CSTF3: variants seen among roughly 807,000 people sequenced by gnomAD.
CSTF3 encodes cleavage stimulation factor subunit 3.
In CSTF3, 29 loss-of-function variants were observed where a neutral mutation model predicts 105.8. The ratio of observed to expected loss-of-function variants is 0.27; its 90% CI spans 0.20 to 0.37. The LOEUF (loss-of-function observed/expected upper bound fraction) is 0.37. Among genes scored for constraint, CSTF3 ranks in the 10% least tolerant of loss-of-function variants. CSTF3 has a pLI of 1.00. For missense variants in CSTF3, 357 were observed against 879.3 expected, an observed-to-expected ratio of 0.41 and a Z score of 7.51; for synonymous variants, 252 against 281.9, an observed-to-expected ratio of 0.89 and a Z score of 1.06.
intron 1 of CSTF3, among the ~76,000 whole-genome samples, chr11:33,153,634 T>C (rs1849817479): frequency 1.3e-5 from 2 of 149,634 alleles, no homozygotes; most frequent in Non-Finnish European, 1.5e-5. Flanking sequence ...CAAGATCTCA[T>C]CTCTAAAAAA....
chr11:33,089,941 A>G (rs12420035), intron 17 of CSTF3, among the ~76,000 whole-genome samples: 31,491 of 152,146 alleles, frequency 0.21, 3,886 homozygotes, highest in East Asian at 0.35. Flanking sequence ...TGTGGCCTGA[A>G]CAGGTTCAGG....
intron 1 of CSTF3, among the ~76,000 whole-genome samples, chr11:33,156,241 G>T (rs985834957): frequency 6.6e-6 from 1 of 152,138 alleles, no homozygotes; most frequent in South Asian, 2.1e-4. Context: ...GGCTGTTACA[G>T]AAAGATTTTG....
intron 16 of CSTF3, 84 bp from the exon 17 acceptor site, chr11:33,090,811 C>G (rs1016061019): frequency 1.1e-5 from 9 of 787,776 alleles, no homozygotes; most frequent in Admixed American, 1.0e-4. Flanking sequence ...CTTAAGCTCT[C>G]TCTTTTTCCC....
At position 33,096,884 on chromosome 11, in the gene CSTF3, CG is replaced by C; in HGVS notation, c.1222del (p.Arg408AlafsTer30). 6.2e-7 allele frequency: 1 copy of C among 1,613,560 alleles called. No individual in the cohort carries two copies. Among genetic ancestry groups the C allele is most frequent in the South Asian group, 1.1e-5 (1 of 91,064 alleles). ...TGCTGCAGTAACATAGACATGGTGG[CG>C]GGTTCTGGTATCTTCTCTTGCTTTT... The part of the protein sequence containing the change: ...FKKAREDTRT[R>X]HHVYVTAALM... On this transcript the variant is annotated frameshift_variant, in exon 14 of 21. Transcript: ENST00000323959. LOFTEE classifies it high-confidence loss of function.
At chr11:33,090,125 G>T (rs565421182) in intron 17 of CSTF3, among the ~76,000 whole-genome samples, 1 of 152,232 alleles carries the variant, frequency 6.6e-6, no homozygotes, top group African/African-American at 2.4e-5. Flanking sequence ...TACAAAATAT[G>T]CAACAGGAAC....
At chr11:33,097,528 C>A (rs1264487358) in intron 13 of CSTF3, among the ~76,000 whole-genome samples, 1 of 152,156 alleles carries the variant, frequency 6.6e-6, no homozygotes, top group East Asian at 1.9e-4. Context: ...CGCCACCACA[C>A]CCGGCTAATT....
chr11:33,137,316 T>G (rs1299670489), intron 3 of CSTF3, among the ~76,000 whole-genome samples: 1 of 151,818 alleles, frequency 6.6e-6, no homozygotes, highest in East Asian at 1.9e-4. Context: ...ACAGTTTTAT[T>G]TAAAGAAATG....
intron 1 of CSTF3, among the ~76,000 whole-genome samples, chr11:33,154,671 A>G (rs1385404097): frequency 6.6e-6 from 1 of 151,712 alleles, no homozygotes; most frequent in Non-Finnish European, 1.5e-5. Context: ...TAATTTTTGT[A>G]TTTTTAGTAG....
chr11:33,095,950 G>T (rs1257965696), intron 15 of CSTF3, among the ~76,000 whole-genome samples: 1 of 150,986 alleles, frequency 6.6e-6, no homozygotes, highest in Non-Finnish European at 1.5e-5. Flanking sequence ...TTGAGTTTTG[G>T]TGGCTAGAGG....
intron 16 of CSTF3, among the ~76,000 whole-genome samples, chr11:33,091,564 C>A (rs7395436): frequency 0.55 from 84,051 of 152,096 alleles, 25,730 homozygotes; most frequent in Non-Finnish European, 0.69. Flanking sequence ...AAAACTAACA[C>A]GAGACAAAAC....
At chr11:33,094,687 G>C (rs1224793748) in intron 15 of CSTF3, among the ~76,000 whole-genome samples, 1 of 151,954 alleles carries the variant, frequency 6.6e-6, no homozygotes, top group East Asian at 1.9e-4. Flanking sequence ...CCAGAATGTA[G>C]AATCATTAAG....
chr11:33,134,049 A>C (rs183078006), intron 3 of CSTF3, among the ~76,000 whole-genome samples: 1 of 152,358 alleles, frequency 6.6e-6, no homozygotes, highest in Admixed American at 6.5e-5. Flanking sequence ...ATTAAAGTTC[A>C]TAATATATTC....
chr11:33,156,354 G>C (rs1187584909), intron 1 of CSTF3, among the ~76,000 whole-genome samples: 1 of 152,106 alleles, frequency 6.6e-6, no homozygotes, highest in Non-Finnish European at 1.5e-5. Flanking sequence ...TAAAATTGGC[G>C]ATACTGTTAC....
Position 33,085,057 on chromosome 11 carries a change from CAGG to C in CSTF3, c.*27_*29del, listed in dbSNP as rs372315885. The C allele has an allele frequency of 3.1e-6, 5 of 1,611,288 alleles. No individual in the cohort carries two copies. The highest frequency in any genetic ancestry group is 1.3e-5 in the African/African-American group (1 of 74,862). ...CACTTGAGGCAAAAGGAATCCTGGACAGGAGTTTTCTGCAGAGGCGTTTAAAAC... is the reference window on the plus strand; with the variant it reads ...CACTTGAGGCAAAAGGAATCCTGGACAGTTTTCTGCAGAGGCGTTTAAAAC... On this transcript the variant is annotated 3_prime_UTR_variant, in exon 21 of 21. Transcript: ENST00000323959.
At chr11:33,160,895 A>T (rs1256942511) in intron 1 of CSTF3, among the ~76,000 whole-genome samples, 1 of 152,204 alleles carries the variant, frequency 6.6e-6, no homozygotes, top group African/African-American at 2.4e-5. Context: ...TCAAACTAGT[A>T]ACCTATTTCT....
At chr11:33,091,672 C>A (rs1398414205) in intron 16 of CSTF3, among the ~76,000 whole-genome samples, 1 of 152,118 alleles carries the variant, frequency 6.6e-6, no homozygotes, top group Non-Finnish European at 1.5e-5. Context: ...CCTCTCTTAA[C>A]ATGTTAATAT....
At chr11:33,121,580 G>A (rs429439) in intron 3 of CSTF3, among the ~76,000 whole-genome samples, 110,795 of 152,124 alleles carry the variant, frequency 0.73, 40,631 homozygotes, top group African/African-American at 0.8. Flanking sequence ...AAGTTCAAAT[G>A]CTATATGGAA....
chr11:33,159,276 G>T lies in CSTF3; in HGVS notation c.27+2023C>A, dbSNP rs372881327. ...AGTTCCAGACCAGGCTGGGCAACAT[G>T]GTGAATTCCTGTCTCTACAAAAAAA... On this transcript the variant is annotated intron_variant, in intron 1 of 20. Coordinates refer to ENST00000323959, the MANE Select transcript of CSTF3 (RefSeq NM_001326.3). Among the ~76,000 whole-genome samples, 8 of 152,036 alleles carry T rather than the reference G, an allele frequency of 5.3e-5. No individual in the cohort carries two copies. In the East Asian group the frequency reaches 9.7e-4, roughly 18 times the overall value.
At chr11:33,090,226 TTTC>T (rs1416325641) in intron 17 of CSTF3, among the ~76,000 whole-genome samples, 1 of 152,122 alleles carries the variant, frequency 6.6e-6, no homozygotes, top group Non-Finnish European at 1.5e-5. Context: ...ACATTCAGAT[TTTC>T]TTTTGTTTTT....
Sources: gnomAD v4.1 joint callset for allele counts (sites outside exome capture counted in the v4.1 genomes callset) on GRCh38, gnomAD v4.1.1 for gene constraint, MANE v1.5 for transcripts, NCBI Gene and HGNC (gene_info 2026-07-23, HGNC 2026-07-21) for gene names.